Variants in ERLIN1 observed in about 807,000 individuals in gnomAD.
The protein encoded by ERLIN1 is ER lipid raft associated 1.
Under a neutral mutation model 46.9 loss-of-function variants are expected in ERLIN1, and 24 were observed. The ratio of observed to expected loss-of-function variants is 0.51; its 90% CI spans 0.37 to 0.72. The LOEUF (loss-of-function observed/expected upper bound fraction) is 0.72, where lower values mean the gene tolerates loss of function less well. Ranked by LOEUF, ERLIN1 falls within the 30% of genes least tolerant of loss-of-function variation. The pLI, the probability that ERLIN1 is intolerant of heterozygous loss-of-function variation, is 0.00. For missense variants in ERLIN1, 293 were observed against 417.9 expected, an observed-to-expected ratio of 0.70 and a Z score of 2.61; for synonymous variants, 158 against 143.2, an observed-to-expected ratio of 1.10 and a Z score of -0.74.
intron 8 of ERLIN1, among the ~76,000 whole-genome samples, chr10:100,157,579 C>G (rs1843142804): frequency 6.6e-6 from 1 of 152,104 alleles, no homozygotes; most frequent in South Asian, 2.1e-4. Context: ...TGATTTTTTT[C>G]TTTCCATAAA....
At chr10:100,178,519 A>G (rs1844450187) in intron 3 of ERLIN1, among the ~76,000 whole-genome samples, 3 of 152,200 alleles carry the variant, frequency 2.0e-5, no homozygotes, top group African/African-American at 7.2e-5. Flanking sequence ...TAGGACAGCA[A>G]TTCTCAAAGT....
intron 6 of ERLIN1, among the ~76,000 whole-genome samples, chr10:100,171,408 C>CTATTTATT (rs113440910): frequency 4.6e-5 from 7 of 151,852 alleles, no homozygotes; most frequent in East Asian, 1.9e-4. Context: ...TATACAAATG[C>CTATTTATT]TATTTATTTA....
rs876657413 is a variant in ERLIN1, at chr10:100,154,922, G to A, written c.763C>T (p.Arg255Ter). 8.1e-6 allele frequency: 13 copies of A among 1,613,600 alleles called. No individual in the cohort carries two copies. The highest frequency in any genetic ancestry group is 2.2e-5 in the East Asian group (1 of 44,882). Residue 255 changes from arginine to a stop codon, truncating the protein, a stop_gained, in exon 10 of 11, where the codon CGA (arginine) becomes TGA (stop). Coordinates refer to ENST00000421367, the MANE Select transcript of ERLIN1 (RefSeq NM_006459.4). LOFTEE classifies it high-confidence loss of function. ...TCAGCATCTGCTTTCGCTTTCTCTCGGGCCAGGAATGCAGCATCTAGCAAA... is the reference window on the plus strand; with the variant it reads ...TCAGCATCTGCTTTCGCTTTCTCTCAGGCCAGGAATGCAGCATCTAGCAAA... ...SEIEDAAFLAREKAKADAEYY... is the reference protein window; with the variant it reads ...SEIEDAAFLA
At chr10:100,172,989 A>G (rs1844089679) in intron 6 of ERLIN1, among the ~76,000 whole-genome samples, 1 of 152,190 alleles carries the variant, frequency 6.6e-6, no homozygotes, top group African/African-American at 2.4e-5. Context: ...AACTCAGAGG[A>G]TTTTACAAAG....
chr10:100,182,620 A>T (rs1427659273), intron 2 of ERLIN1, among the ~76,000 whole-genome samples: 1 of 152,248 alleles, frequency 6.6e-6, no homozygotes, highest in Non-Finnish European at 1.5e-5. Flanking sequence ...CTTTAAGAAA[A>T]CTGGAGCCTT....
Position 100,152,024 on chromosome 10 carries a change from C to T in ERLIN1, c.*107G>A. The T allele has an allele frequency of 2.6e-6, 2 of 768,012 alleles. No individual in the cohort carries two copies. Among genetic ancestry groups the T allele is most frequent in the Non-Finnish European group, 4.6e-6 (2 of 434,322 alleles). 47.6% of individuals were successfully genotyped at this position (768,012 alleles called of 1,614,324 possible). On this transcript the variant is annotated 3_prime_UTR_variant, in exon 11 of 11. Transcript: ENST00000421367. Reference sequence around the variant, plus strand: ...CAGGACTATCGCAGGAGAGGTGGAACAGATGAAGTGTAAGTTCTCTGTAAA... The same window carrying T: ...CAGGACTATCGCAGGAGAGGTGGAATAGATGAAGTGTAAGTTCTCTGTAAA...
At chr10:100,167,784 T>G (rs560206733) in intron 6 of ERLIN1, among the ~76,000 whole-genome samples, 1 of 152,208 alleles carries the variant, frequency 6.6e-6, no homozygotes, top group Non-Finnish European at 1.5e-5. Context: ...AAGACTGAAA[T>G]TGTAAAGTCA....
At chr10:100,152,592 A>C (rs953761861) in intron 10 of ERLIN1, among the ~76,000 whole-genome samples, 1 of 152,214 alleles carries the variant, frequency 6.6e-6, no homozygotes, top group African/African-American at 2.4e-5. Context: ...TTTTAATAAA[A>C]GGATGGGGGA....
chr10:100,174,790 A>AAGAGAGAG (rs140430771), intron 5 of ERLIN1, among the ~76,000 whole-genome samples: 1 of 150,732 alleles, frequency 6.6e-6, no homozygotes, highest in Non-Finnish European at 1.5e-5. Context: ...TTTGGATTTA[A>AAGAGAGAG]AGAGAGAGAG....
At chr10:100,174,435 G>A (rs1844179054) in intron 5 of ERLIN1, among the ~76,000 whole-genome samples, 154 bp from the exon 6 acceptor site, 1 of 151,912 alleles carries the variant, frequency 6.6e-6, no homozygotes, top group Non-Finnish European at 1.5e-5. Flanking sequence ...CTTTTGTGTG[G>A]GAAAAAAATT....
intron 4 of ERLIN1, among the ~76,000 whole-genome samples, chr10:100,177,595 A>C (rs1844384280): frequency 6.6e-6 from 1 of 152,352 alleles, no homozygotes; most frequent in East Asian, 1.9e-4. Flanking sequence ...TTTTATTAAC[A>C]AGCATGCATA....
intron 7 of ERLIN1, among the ~76,000 whole-genome samples, chr10:100,166,581 T>TA (rs1349113085): frequency 6.6e-6 from 1 of 152,212 alleles, no homozygotes; most frequent in African/African-American, 2.4e-5. Context: ...AAAGTAGTAT[T>TA]ACTGCTCCTT....
intron 2 of ERLIN1, among the ~76,000 whole-genome samples, chr10:100,180,602 T>C (rs1844580763): frequency 1.3e-5 from 2 of 152,126 alleles, no homozygotes; most frequent in South Asian, 2.1e-4. Context: ...AGACAACATG[T>C]GTATAGGCGA....
intron 8 of ERLIN1, among the ~76,000 whole-genome samples, chr10:100,162,721 C>A (rs1021002709): frequency 6.6e-6 from 1 of 152,080 alleles, no homozygotes; most frequent in East Asian, 1.9e-4. Flanking sequence ...AATATATAAG[C>A]TCTGATTTTT....
chr10:100,154,927 A>G lies in ERLIN1; in HGVS notation c.758T>C (p.Leu253Pro). 6.2e-7 allele frequency: 1 copy of G among 1,613,830 alleles called. No homozygotes were observed. The change falls in exon 10 of 11, where the codon CTG becomes CCG. Residue 253 changes from leucine (L) to proline (P), a missense_variant. Leu to Pro is a moderately conservative substitution (Grantham distance 98). Around this residue, in one of 3 missense-constraint regions of ERLIN1, gnomAD observed 148 missense variants for 266.5 expected, o/e 0.56. Coordinates refer to ENST00000421367, the MANE Select transcript of ERLIN1 (RefSeq NM_006459.4). The stretch of plus-strand genomic sequence containing the variant: ...ATCTGCTTTCGCTTTCTCTCGGGCC[A>G]GGAATGCAGCATCTAGCAAATAAAC... ...RISEIEDAAF[L>P]AREKAKADAE...
chr10:100,173,865 C>T (rs947206503), intron 6 of ERLIN1, among the ~76,000 whole-genome samples: 1 of 152,160 alleles, frequency 6.6e-6, no homozygotes, highest in Non-Finnish European at 1.5e-5. Flanking sequence ...TCAAATTTTA[C>T]ACTTGAACTC....
chr10:100,160,579 C>T (rs1843314767), intron 8 of ERLIN1, among the ~76,000 whole-genome samples: 1 of 151,858 alleles, frequency 6.6e-6, no homozygotes, highest in Non-Finnish European at 1.5e-5. Flanking sequence ...ATTGTTTGTC[C>T]CAGAAACACA....
chr10:100,178,534 T>G (rs1330168086), intron 3 of ERLIN1, among the ~76,000 whole-genome samples: 1 of 152,162 alleles, frequency 6.6e-6, no homozygotes, highest in Admixed American at 6.5e-5. Flanking sequence ...CAAAGTGAGG[T>G]CTTCAGACCA....
intron 8 of ERLIN1, among the ~76,000 whole-genome samples, chr10:100,161,541 A>G: frequency 6.6e-6 from 1 of 152,134 alleles, no homozygotes; most frequent in Non-Finnish European, 1.5e-5. Flanking sequence ...ATATTTCACA[A>G]AACTTAAGGA....
Sources: gnomAD v4.1 joint callset for allele counts (sites outside exome capture counted in the v4.1 genomes callset) on GRCh38, gnomAD v4.1.1 for gene constraint, gnomAD v4.1.1 regional missense constraint, MANE v1.5 for transcripts, NCBI Gene and HGNC (gene_info 2026-07-23, HGNC 2026-07-21) for gene names.